Variants in IL1RAPL1 observed in about 807,000 individuals in gnomAD.
IL1RAPL1 encodes interleukin 1 receptor accessory protein like 1.
A neutral mutation model predicts 48.4 loss-of-function variants in IL1RAPL1; 3 were observed. That is an observed-to-expected ratio of 0.06 (90% CI 0.03 to 0.16). IL1RAPL1 has a LOEUF of 0.16. IL1RAPL1 is among the 10% of genes least tolerant of loss of function. The pLI is 1.00. For missense variants in IL1RAPL1, 349 were observed against 530.6 expected, an observed-to-expected ratio of 0.66 and a Z score of 3.36; for synonymous variants, 185 against 187.7, an observed-to-expected ratio of 0.99 and a Z score of 0.12.
chrX:29,320,409 A>G (rs1372206736), intron 3 of IL1RAPL1, among the ~76,000 whole-genome samples: 2 of 112,172 alleles, frequency 1.8e-5, no homozygotes, highest in African/African-American at 6.5e-5. Flanking sequence ...TAATCCATGA[A>G]TTTACTTTTA....
At chrX:29,243,336 C>G (rs919184004) in intron 2 of IL1RAPL1, among the ~76,000 whole-genome samples, 1 of 112,183 alleles carries the variant, frequency 8.9e-6, no homozygotes, top group South Asian at 3.7e-4. Context: ...CAGCCACCCA[C>G]CTTGCTTGGT....
intron 2 of IL1RAPL1, among the ~76,000 whole-genome samples, chrX:28,838,738 A>G (rs936365862): frequency 9.0e-6 from 1 of 111,058 alleles, no homozygotes; most frequent in East Asian, 2.8e-4. Context: ...TATAATCTAA[A>G]TTCTAAATAG....
intron 6 of IL1RAPL1, among the ~76,000 whole-genome samples, chrX:29,825,742 A>G (rs1181901694): frequency 8.9e-6 from 1 of 112,126 alleles, no homozygotes; most frequent in Non-Finnish European, 1.9e-5. Context: ...TTATTCAAAT[A>G]AAACTTTTCT....
At chrX:29,315,814 C>A (rs1011997754) in intron 3 of IL1RAPL1, among the ~76,000 whole-genome samples, 10 of 111,535 alleles carry the variant, frequency 9.0e-5, no homozygotes, top group Non-Finnish European at 3.8e-5. Flanking sequence ...TCAGATACTC[C>A]CAGTGATACT....
intron 5 of IL1RAPL1, among the ~76,000 whole-genome samples, chrX:29,568,057 A>T (rs1389410623): frequency 1.8e-5 from 2 of 109,408 alleles, no homozygotes; most frequent in African/African-American, 6.6e-5. Flanking sequence ...TATAATGAGC[A>T]CTCAACAATT....
At chrX:29,820,095 A>G (rs185175762) in intron 6 of IL1RAPL1, among the ~76,000 whole-genome samples, 1 of 107,385 alleles carries the variant, frequency 9.3e-6, no homozygotes, top group Non-Finnish European at 1.9e-5. Flanking sequence ...AATATATATC[A>G]ACACTTATAT....
At chrX:28,688,952 A>G (rs187531823) in intron 1 of IL1RAPL1, among the ~76,000 whole-genome samples, 8 of 111,312 alleles carry the variant, frequency 7.2e-5, no homozygotes, top group African/African-American at 2.0e-4. Flanking sequence ...AGAGTTATTG[A>G]CAAAGCTAGG....
chrX:29,292,365 C>T (rs1451128491), intron 3 of IL1RAPL1, among the ~76,000 whole-genome samples: 1 of 111,156 alleles, frequency 9.0e-6, no homozygotes, highest in Non-Finnish European at 1.9e-5. Context: ...CAGAATATAC[C>T]TTTACTGTCA....
At position 28,789,228 on chromosome X, in the gene IL1RAPL1, G is replaced by A. The variant is rs12009069; in HGVS notation, c.-24-92G>A. The A allele has an allele frequency of 0.47, 242,059 of 513,400 alleles. 38,821 individuals are homozygous for A. The highest frequency in any genetic ancestry group is 0.63 in the Middle Eastern group (1,160 of 1,839). The allele number at this position is 513,400 out of a possible 1,213,427, so 42.3% of individuals were successfully genotyped here. A position where few individuals can be genotyped will look rare whatever the true frequency, so the allele number is the denominator to read the frequency against. On this transcript the variant is annotated intron_variant, in intron 1 of 10. Coordinates refer to ENST00000378993, the MANE Select transcript of IL1RAPL1 (RefSeq NM_014271.4). ...TTCCTTTTGTGTAATTCATTGCACC[G>A]ATCATGTTTGATCAAAGTTATGAAA...
chrX:28,704,418 AC>A (rs1163612174), intron 1 of IL1RAPL1, among the ~76,000 whole-genome samples: 1 of 64,411 alleles, frequency 1.6e-5, no homozygotes, highest in Non-Finnish European at 2.9e-5. Flanking sequence ...TTTAAAACAC[AC>A]AAACACACAC....
intron 2 of IL1RAPL1, among the ~76,000 whole-genome samples, chrX:29,113,047 G>A (rs1387909152): frequency 2.7e-5 from 3 of 110,815 alleles, no homozygotes; most frequent in Non-Finnish European, 5.7e-5. Flanking sequence ...TCCTGACCTC[G>A]TGAACCTCCC....
intron 2 of IL1RAPL1, among the ~76,000 whole-genome samples, chrX:28,993,749 A>G (rs954899205): frequency 2.7e-5 from 3 of 112,312 alleles, no homozygotes; most frequent in African/African-American, 9.7e-5. Flanking sequence ...GATGAATGCC[A>G]TATTGTCTGT....
chrX:29,506,339 A>G (rs1465474330), intron 5 of IL1RAPL1, among the ~76,000 whole-genome samples: 1 of 110,835 alleles, frequency 9.0e-6, no homozygotes, highest in East Asian at 2.8e-4. Flanking sequence ...TATTTATTCC[A>G]GTGTTCCTTG....
chrX:29,107,893 G>A (rs1272719250), intron 2 of IL1RAPL1, among the ~76,000 whole-genome samples: 3 of 112,229 alleles, frequency 2.7e-5, no homozygotes, highest in Non-Finnish European at 3.8e-5. Flanking sequence ...ATTTTTGGAA[G>A]TTTAGACCAT....
intron 1 of IL1RAPL1, among the ~76,000 whole-genome samples, chrX:28,622,441 G>GT (rs1291978390): frequency 5.4e-5 from 6 of 111,191 alleles, no homozygotes; most frequent in African/African-American, 2.0e-4. Flanking sequence ...TTAGTGAATT[G>GT]TTTTTTTAAA....
At chrX:29,638,158 G>A (rs1925034374) in intron 5 of IL1RAPL1, among the ~76,000 whole-genome samples, 1 of 111,200 alleles carries the variant, frequency 9.0e-6, no homozygotes, top group African/African-American at 3.3e-5. Context: ...CTAATGCTGA[G>A]CTCTAGACTG....
intron 6 of IL1RAPL1, among the ~76,000 whole-genome samples, chrX:29,807,621 C>CAA (rs60391165): frequency 0.49 from 12,661 of 25,953 alleles, 3,932 homozygotes; most frequent in East Asian, 0.63. Context: ...TCTCTCAAGA[C>CAA]AAAAAAAAAA....
intron 2 of IL1RAPL1, among the ~76,000 whole-genome samples, chrX:29,088,335 G>C (rs1454500408): frequency 1.8e-5 from 2 of 111,481 alleles, no homozygotes; most frequent in East Asian, 2.8e-4. Context: ...AAGTGAACTG[G>C]GAAGAAAATG....
At chrX:29,432,482 G>A (rs1320069108) in intron 5 of IL1RAPL1, among the ~76,000 whole-genome samples, 4 of 111,285 alleles carry the variant, frequency 3.6e-5, no homozygotes, top group African/African-American at 1.3e-4. Context: ...CCTACACAAA[G>A]TCCTCTAGTA....
Sources: allele counts gnomAD v4.1 joint callset (sites outside exome capture counted in the v4.1 genomes callset), GRCh38; gene constraint gnomAD v4.1.1; transcripts MANE v1.5; gene names NCBI Gene and HGNC (gene_info 2026-07-23, HGNC 2026-07-21).